The following PI4KA variants were observed in gnomAD, a reference collection of about 807,000 sequenced individuals.
PI4KA encodes the protein PI4-kinase alpha.
In PI4KA, 122 loss-of-function variants were observed where a neutral mutation model predicts 271.4. The ratio of observed to expected loss-of-function variants is 0.45; its 90% CI spans 0.39 to 0.52. The LOEUF (loss-of-function observed/expected upper bound fraction) is 0.52, where lower values mean the gene tolerates loss of function less well. Among genes scored for constraint, PI4KA ranks in the 20% least tolerant of loss-of-function variants. PI4KA has a pLI of 0.00. For missense variants in PI4KA, 1,969 were observed against 2,769.1 expected (o/e 0.71, Z 6.48); for synonymous variants, 1,041 against 1,078.8 (o/e 0.96, Z 0.69).
intron 17 of PI4KA, 118 bp downstream of exon 17, chr22:20,798,466 T>G: frequency 1.8e-5 from 14 of 762,016 alleles, no homozygotes; most frequent in Non-Finnish European, 3.1e-5. Flanking sequence ...TGCACTGATC[T>G]GTAGCATATA....
chr22:20,854,644 C>T lies in PI4KA; in HGVS notation c.156+3926G>A, dbSNP rs551201604. Among the ~76,000 whole-genome samples the T allele has an allele frequency of 9.6e-4, 146 of 152,240 alleles. 1 individual carries two copies. Among genetic ancestry groups the T allele is most frequent in the Non-Finnish European group, 1.6e-3 (111 of 68,018 alleles). ...AGCTGAGATGTGAGGTCTGGTTCTG[C>T]AAACTTAGCCTTCGCCAGGTCAACC... On this transcript the variant is annotated intron_variant, in intron 1 of 54. Transcript: ENST00000255882.
intron 23 of PI4KA, among the ~76,000 whole-genome samples, chr22:20,759,405 T>TC (rs1239597713): frequency 3.7e-5 from 5 of 134,250 alleles, no homozygotes; most frequent in South Asian, 4.9e-4. Context: ...TTCTTTTCTT[T>TC]TTTTTTTTTT....
At chr22:20,794,756 C>T (rs1309723453) in intron 18 of PI4KA, among the ~76,000 whole-genome samples, 1 of 152,204 alleles carries the variant, frequency 6.6e-6, no homozygotes, top group Non-Finnish European at 1.5e-5. Flanking sequence ...CTGTCTCGTT[C>T]ACTTCTGTAA....
chr22:20,728,651 T>G (rs1487810336), intron 39 of PI4KA, among the ~76,000 whole-genome samples: 1 of 152,202 alleles, frequency 6.6e-6, no homozygotes, highest in African/African-American at 2.4e-5. Context: ...CACTGTGCTT[T>G]GAGACAATGC....
At chr22:20,798,738 C>T in intron 16 of PI4KA, 51 bp from the exon 17 acceptor site, 1 of 1,184,004 alleles carries the variant, frequency 8.4e-7, no homozygotes, top group Admixed American at 1.7e-5. Context: ...CTCATGAGGC[C>T]CCTCCTGTCA....
chr22:20,848,459 A>C (rs165850), intron 1 of PI4KA, among the ~76,000 whole-genome samples: 1 of 151,784 alleles, frequency 6.6e-6, no homozygotes, highest in African/African-American at 2.4e-5. Flanking sequence ...TTCAAAACTT[A>C]CTACAAAGCT....
intron 4 of PI4KA, 21 bp downstream of exon 4, chr22:20,824,305 A>G (rs1014013096): frequency 1.3e-6 from 2 of 1,515,772 alleles, no homozygotes; most frequent in Non-Finnish European, 1.8e-6. Context: ...ATGCATACCA[A>G]ATCAACCAAC....
chr22:20,758,430 A>AT (rs1357998823), intron 23 of PI4KA, among the ~76,000 whole-genome samples: 2 of 119,814 alleles, frequency 1.7e-5, no homozygotes, highest in Non-Finnish European at 3.5e-5. Flanking sequence ...ATATTATAAG[A>AT]TTTTTTGTGT....
chr22:20,776,592 G>T (rs1933301828), intron 19 of PI4KA, among the ~76,000 whole-genome samples: 2 of 152,192 alleles, frequency 1.3e-5, no homozygotes, highest in Non-Finnish European at 2.9e-5. Flanking sequence ...AAAACAGCTA[G>T]GAAGCTGCTC....
intron 8 of PI4KA, 149 bp downstream of exon 8, chr22:20,813,208 TA>T: frequency 1.6e-6 from 1 of 617,952 alleles, no homozygotes; most frequent in Non-Finnish European, 2.8e-6. Context: ...AATGTTACTC[TA>T]CTTCCTTCAT....
rs1344422193 is a variant in PI4KA, at chr22:20,787,188, G to A, written c.2328+6005C>T. The A allele has an allele frequency of 1.4e-5, 13 of 904,224 alleles. No homozygotes were observed. The Admixed American group carries it at 1.8e-4, about 12-fold the overall frequency. 56.0% of individuals were successfully genotyped at this position (904,224 alleles called of 1,614,324 possible). On this transcript the variant is annotated intron_variant, in intron 19 of 54. Coordinates refer to ENST00000255882, the MANE Select transcript of PI4KA (RefSeq NM_058004.4). ...GTTTACGCTACCAATCTGAATTCGA[G>A]GCCCATATGAGAGGAGCTTAGAAAC... is the stretch of plus-strand genomic sequence containing the variant.
chr22:20,746,351 C>T (rs953574107), intron 29 of PI4KA, among the ~76,000 whole-genome samples: 5 of 151,950 alleles, frequency 3.3e-5, no homozygotes, highest in Admixed American at 2.6e-4. Flanking sequence ...CATGAGCCAC[C>T]GTGCCTGGCC....
chr22:20,729,637 G>C lies in PI4KA; in HGVS notation c.4483C>G (p.Leu1495Val). The change falls in exon 38 of 55, where the codon CTG becomes GTG. Residue 1495 changes from leucine to valine, a missense_variant. Physicochemically the swap from Leu to Val is conservative, Grantham distance 32. Transcript: ENST00000255882. ...GCTGCACCTGTGGGCCTTACCAGCA[G>C]GGACAGCAGCAGCGTCCTGCGCTTC... ...YMKRRTLLLS[L>V]LATEIERLIT... The C allele has an allele frequency of 6.4e-7, 1 of 1,569,046 alleles. No homozygotes were observed.
chr22:20,747,521 T>C lies in PI4KA; in HGVS notation c.3363+62A>G, dbSNP rs190940435. Reference sequence around the variant, plus strand: ...AAAGCGACAGCCGAGCTCTAAGCCTTCCCCTGCACTGTGGCTCCTATGGTC... The same window carrying C: ...AAAGCGACAGCCGAGCTCTAAGCCTCCCCCTGCACTGTGGCTCCTATGGTC... On this transcript the variant is annotated intron_variant, in intron 29 of 54. Coordinates refer to ENST00000255882, the MANE Select transcript of PI4KA (RefSeq NM_058004.4). 76 of 1,573,148 alleles carry C rather than the reference T, an allele frequency of 4.8e-5. No individual in the cohort carries two copies. In the Admixed American group the frequency reaches 9.5e-4, roughly 20 times the overall value.
chr22:20,741,010 T>C (rs776494875), intron 32 of PI4KA, among the ~76,000 whole-genome samples: 4 of 152,182 alleles, frequency 2.6e-5, no homozygotes, highest in Non-Finnish European at 5.9e-5. Flanking sequence ...TGAAAAACAT[T>C]TGGATAAATT....
intron 1 of PI4KA, among the ~76,000 whole-genome samples, chr22:20,848,384 G>A (rs933126291): frequency 6.6e-6 from 1 of 151,894 alleles, no homozygotes; most frequent in African/African-American, 2.4e-5. Flanking sequence ...TAATTCAAGG[G>A]ACCCAGAATA....
intron 3 of PI4KA, 105 bp from the exon 4 acceptor site, chr22:20,824,519 G>A: frequency 1.3e-6 from 1 of 746,862 alleles, no homozygotes; most frequent in Non-Finnish European, 2.2e-6. Context: ...CCTGCCAAGG[G>A]ACCAGTTTAC....
intron 48 of PI4KA, 53 bp downstream of exon 48, chr22:20,713,228 T>C: frequency 3.8e-6 from 5 of 1,302,508 alleles, no homozygotes; most frequent in Non-Finnish European, 5.4e-6. Flanking sequence ...CCTGGAGCCT[T>C]GGGGAGCAGC....
At chr22:20,794,069 G>A (rs1168338658) in intron 18 of PI4KA, among the ~76,000 whole-genome samples, 1 of 152,232 alleles carries the variant, frequency 6.6e-6, no homozygotes, top group East Asian at 1.9e-4. Flanking sequence ...ATGCCAAGCT[G>A]TAAACATATA....
Sources: gnomAD v4.1 joint callset for allele counts (sites outside exome capture counted in the v4.1 genomes callset) on GRCh38, gnomAD v4.1.1 for gene constraint, MANE v1.5 for transcripts, NCBI Gene and HGNC (gene_info 2026-07-23, HGNC 2026-07-21) for gene names.